BCAS3: variants seen among roughly 807,000 people sequenced by gnomAD.
BCAS3 encodes BCAS4/BCAS3 fusion.
A neutral mutation model predicts 116.1 loss-of-function variants in BCAS3; 53 were observed. That is an observed-to-expected ratio of 0.46 (90% confidence interval 0.37 to 0.57). The LOEUF (loss-of-function observed/expected upper bound fraction) is 0.57, where lower values mean the gene tolerates loss of function less well. BCAS3 is among the 20% of genes least tolerant of loss of function. BCAS3 has a pLI of 0.00. For synonymous variants in BCAS3, 391 were observed against 408.2 expected, an observed-to-expected ratio of 0.96 and a Z score of 0.51; for missense variants, 917 against 1,165.4, an observed-to-expected ratio of 0.79 and a Z score of 3.10.
chr17:60,824,737 G>A lies in BCAS3; in HGVS notation c.476+16661G>A, dbSNP rs374017883. 4.6e-5 allele frequency among the ~76,000 whole-genome samples: 7 copies of A among 152,206 alleles called. No individual in the cohort carries two copies. In the South Asian group the frequency reaches 1.5e-3, roughly 32 times the overall value. ...TACATAATTGTTATTTAAAGTTAGTGGTGTTTCTGTTTTCTAGTTATGCTG... is the reference window on the plus strand; with the variant it reads ...TACATAATTGTTATTTAAAGTTAGTAGTGTTTCTGTTTTCTAGTTATGCTG... On this transcript the variant is annotated intron_variant, in intron 7 of 23. Coordinates refer to ENST00000407086, the MANE Select transcript of BCAS3 (RefSeq NM_017679.5).
intron 12 of BCAS3, among the ~76,000 whole-genome samples, chr17:60,923,578 A>G (rs2059215480): frequency 6.6e-6 from 1 of 152,210 alleles, no homozygotes; most frequent in Non-Finnish European, 1.5e-5. Flanking sequence ...TTGCCAGTGT[A>G]GGACAACTTC....
rs907211509 is a variant in BCAS3, at chr17:61,063,207, G to A, written c.2030-11713G>A. Reference sequence around the variant, plus strand: ...GTAGCCATTGCTTTGATTGTGCTTCGTCTCTTGGATCCTACTATAACAGTA... The same window carrying A: ...GTAGCCATTGCTTTGATTGTGCTTCATCTCTTGGATCCTACTATAACAGTA... On this transcript the variant is annotated intron_variant, in intron 19 of 23. Coordinates refer to ENST00000407086, the MANE Select transcript of BCAS3 (RefSeq NM_017679.5). The surrounding 1 kb of genome is among the most constrained non-coding windows in gnomAD (Gnocchi z 5.3). 1.3e-5 allele frequency among the ~76,000 whole-genome samples: 2 copies of A among 151,844 alleles called. No individual in the cohort carries two copies. Among genetic ancestry groups the A allele is most frequent in the East Asian group, 1.9e-4 (1 of 5,178 alleles).
rs963577433 is a variant in BCAS3, at chr17:61,239,888, A to G, written c.2426-128439A>G. Reference sequence around the variant, plus strand: ...ACAACTTGACCTTTTAAATGTGAATATATTTTTTTAAAAGAACACTCAGGT... The same window carrying G: ...ACAACTTGACCTTTTAAATGTGAATGTATTTTTTTAAAAGAACACTCAGGT... On this transcript the variant is annotated intron_variant, in intron 22 of 23. Transcript: ENST00000407086. This position sits in a 1 kb window ranked among gnomAD's most constrained non-coding sequence, Gnocchi z 4.2. Among the ~76,000 whole-genome samples, 6 of 152,204 alleles carry G rather than the reference A, an allele frequency of 3.9e-5. No individual in the cohort carries two copies. Among genetic ancestry groups the G allele is most frequent in the Non-Finnish European group, 7.3e-5 (5 of 68,042 alleles).
At position 61,388,697 on chromosome 17, in the gene BCAS3, G is replaced by T. The variant is rs192842957; in HGVS notation, c.2594-3280G>T. The T allele has an allele frequency of 1.7e-4, 256 of 1,550,454 alleles. 1 individual carries two copies. The African/African-American group carries it at 3.2e-3, about 20-fold the overall frequency. ...CCAACAGTAACAAAGCATGCGTTCG[G>T]GATGGAGGAAGGTAAGGCCACACGT... is the stretch of plus-strand genomic sequence containing the variant. On this transcript the variant is annotated intron_variant, in intron 23 of 23. Coordinates refer to ENST00000407086, the MANE Select transcript of BCAS3 (RefSeq NM_017679.5). This position sits in a 1 kb window ranked among gnomAD's most constrained non-coding sequence, Gnocchi z 6.5.
chr17:61,138,365 G>A (rs1033548114), intron 22 of BCAS3, among the ~76,000 whole-genome samples: 2 of 152,130 alleles, frequency 1.3e-5, no homozygotes, highest in Non-Finnish European at 2.9e-5. Context: ...CGGCAGATTT[G>A]GATTGAATAA....
Position 60,990,040 on chromosome 17 carries a change from G to A in BCAS3, c.1291G>A (p.Val431Ile), listed in dbSNP as rs748582464. 6.2e-6 allele frequency: 10 copies of A among 1,614,006 alleles called. No individual in the cohort carries two copies. Among genetic ancestry groups the A allele is most frequent in the South Asian group, 2.2e-5 (2 of 91,078 alleles). Residue 431 changes from valine to isoleucine, a missense_variant, in exon 15 of 24, where the codon GTT becomes ATT. Val to Ile is a conservative substitution (Grantham distance 29). Around this residue, in one of 3 missense-constraint regions of BCAS3, gnomAD observed 807 missense variants for 1,026.0 expected, o/e 0.79. Coordinates refer to ENST00000407086, the MANE Select transcript of BCAS3 (RefSeq NM_017679.5). The surrounding 1 kb of genome is among the most constrained non-coding windows in gnomAD (Gnocchi z 5.1). ...VVSTLRGTSHVFPINPYGGQP... is the reference protein window; with the variant it reads ...VVSTLRGTSHIFPINPYGGQP... Reference sequence around the variant, plus strand: ...CAGTACTCTCCGGGGTACTTCCCACGTTTTCCCCATCAACCCTTATGGTGG... The same window carrying A: ...CAGTACTCTCCGGGGTACTTCCCACATTTTCCCCATCAACCCTTATGGTGG...
At chr17:61,086,882 T>C (rs2143555684) in intron 22 of BCAS3, 1 of 985,252 alleles carries the variant, frequency 1.0e-6, no homozygotes, top group Non-Finnish European at 1.2e-6. Context: ...ATGAGAAATA[T>C]ATGTTAACGC....
At chr17:61,371,885 G>A (rs1157791566) in intron 23 of BCAS3, among the ~76,000 whole-genome samples, 1 of 152,146 alleles carries the variant, frequency 6.6e-6, no homozygotes, top group Non-Finnish European at 1.5e-5. Context: ...TTTAAATTAT[G>A]GTTAACTTAT....
At chr17:60,748,151 A>G (rs1201025678) in intron 6 of BCAS3, among the ~76,000 whole-genome samples, 1 of 152,224 alleles carries the variant, frequency 6.6e-6, no homozygotes, top group Non-Finnish European at 1.5e-5. Context: ...AAAAAATCTT[A>G]TAAGACTTCT....
intron 10 of BCAS3, among the ~76,000 whole-genome samples, chr17:60,891,109 TC>T (rs1351668559): frequency 1.3e-5 from 2 of 152,230 alleles, no homozygotes; most frequent in African/African-American, 2.4e-5. Flanking sequence ...ATTATTCTTT[TC>T]AAACAAAACA....
chr17:61,216,122 A>G (rs2081770591), intron 22 of BCAS3, among the ~76,000 whole-genome samples: 1 of 152,248 alleles, frequency 6.6e-6, no homozygotes, highest in South Asian at 2.1e-4. Flanking sequence ...TTGGAGAGAT[A>G]GCACTGTTTC....
chr17:61,039,121 C>T (rs1283905424), intron 18 of BCAS3, among the ~76,000 whole-genome samples: 1 of 152,168 alleles, frequency 6.6e-6, no homozygotes, highest in African/African-American at 2.4e-5. Context: ...ACCCTTCAGA[C>T]CTAGGCAGCA....
chr17:60,811,871 A>C (rs1427185445), intron 7 of BCAS3, among the ~76,000 whole-genome samples: 2 of 151,892 alleles, frequency 1.3e-5, no homozygotes, highest in East Asian at 3.9e-4. Context: ...AACATGGTGA[A>C]ACCCTGTCTC....
At chr17:60,930,699 C>A (rs2059599405) in intron 13 of BCAS3, among the ~76,000 whole-genome samples, 1 of 152,178 alleles carries the variant, frequency 6.6e-6, no homozygotes, top group Non-Finnish European at 1.5e-5. Flanking sequence ...CTCAGGTAAT[C>A]CGCCTGCCTC....
intron 7 of BCAS3, among the ~76,000 whole-genome samples, chr17:60,846,555 G>C (rs559125197): frequency 6.6e-6 from 1 of 152,076 alleles, no homozygotes; most frequent in Non-Finnish European, 1.5e-5. Flanking sequence ...TATTATAATT[G>C]TGGATTTGTC....
Position 61,249,867 on chromosome 17 carries a change from T to A in BCAS3, c.2426-118460T>A, listed in dbSNP as rs1224456627. Among the ~76,000 whole-genome samples the A allele has an allele frequency of 6.6e-6, 1 of 152,088 alleles. No homozygotes were observed. Among genetic ancestry groups the A allele is most frequent in the African/African-American group, 2.4e-5 (1 of 41,416 alleles). On this transcript the variant is annotated intron_variant, in intron 22 of 23. Coordinates refer to ENST00000407086, the MANE Select transcript of BCAS3 (RefSeq NM_017679.5). The surrounding 1 kb of genome is among the most constrained non-coding windows in gnomAD (Gnocchi z 6.2). The stretch of plus-strand genomic sequence containing the variant: ...ATACAAAAAAAATGTGATGACCCAA[T>A]CACATTTAAAGCTTTTAAAGCTCCC...
chr17:60,760,850 T>C (rs2043456329), intron 6 of BCAS3, among the ~76,000 whole-genome samples: 1 of 152,174 alleles, frequency 6.6e-6, no homozygotes, highest in Non-Finnish European at 1.5e-5. Context: ...GCATTTCAAA[T>C]ATTTGGTCAC....
At position 61,037,738 on chromosome 17, in the gene BCAS3, C is replaced by CA. The variant is rs1568183718; in HGVS notation, c.1763-143dup. ...GGCAGCAAGAGCAAAACTCCATCTC[C>CA]AAAAAAAAGAAAAAAAGAAAAAAAT... On this transcript the variant is annotated intron_variant, in intron 17 of 23. Coordinates refer to ENST00000407086, the MANE Select transcript of BCAS3 (RefSeq NM_017679.5). This position sits in a 1 kb window ranked among gnomAD's most constrained non-coding sequence, Gnocchi z 4.7. The CA allele has an allele frequency of 1.9e-4, 151 of 777,834 alleles. No homozygotes were observed. The highest frequency in any genetic ancestry group is 2.2e-4 in the South Asian group (9 of 40,226). 48.2% of individuals were successfully genotyped at this position (777,834 alleles called of 1,614,324 possible).
chr17:60,820,503 G>A (rs2049863167), intron 7 of BCAS3, among the ~76,000 whole-genome samples: 1 of 152,130 alleles, frequency 6.6e-6, no homozygotes, highest in South Asian at 2.1e-4. Context: ...AATGCAGTGT[G>A]TATTTGGAGG....
Sources: allele counts gnomAD v4.1 joint callset (sites outside exome capture counted in the v4.1 genomes callset), GRCh38; gene constraint gnomAD v4.1.1; regional missense constraint gnomAD v4.1.1; non-coding constraint Gnocchi (gnomAD v3.1); transcripts MANE v1.5; gene names NCBI Gene and HGNC (gene_info 2026-07-23, HGNC 2026-07-21).